ZFHX3: variants seen among roughly 807,000 people sequenced by gnomAD.
The protein encoded by ZFHX3 is zinc finger homeobox protein 3.
Under a neutral mutation model 279.1 loss-of-function variants are expected in ZFHX3, and 42 were observed. The observed-to-expected ratio is 0.15, with a 90% confidence interval of 0.12 to 0.19. The LOEUF (loss-of-function observed/expected upper bound fraction) is 0.19, where lower values mean the gene tolerates loss of function less well. Among genes scored for constraint, ZFHX3 ranks in the 10% least tolerant of loss-of-function variants. The probability of loss-of-function intolerance (pLI) is 1.00; values close to 1 mark genes in which losing one functional copy is unlikely to be tolerated. For synonymous variants in ZFHX3, 2,293 were observed against 1,957.8 expected, an observed-to-expected ratio of 1.17 and a Z score of -4.52; for missense variants, 4,981 against 4,754.0, an observed-to-expected ratio of 1.05 and a Z score of -1.40.
At chr16:73,797,067 G>A (rs1960015154) in intron 1 of ZFHX3, among the ~76,000 whole-genome samples, 2 of 152,112 alleles carry the variant, frequency 1.3e-5, no homozygotes, top group African/African-American at 4.8e-5. Flanking sequence ...GCCAGGCAGG[G>A]TGGCACATGC....
Position 72,796,553 on chromosome 16 carries a change from G to C in ZFHX3, c.6129C>G (p.Pro2043=). Residue 2043 remains proline (P), a synonymous_variant, in exon 9 of 10, where the codon CCC becomes CCG. Coordinates refer to ENST00000268489, the MANE Select transcript of ZFHX3 (RefSeq NM_006885.4). ...RPQTPEPPPP[P]PPPPPPPLPA... ...GAAGTGGGGGTGGAGGGGGTGGAGG[G>C]GGAGGTGGTGGTGGCTCTGGGGTCT... The C allele has an allele frequency of 6.2e-7, 1 of 1,610,738 alleles. No individual in the cohort carries two copies. Among genetic ancestry groups the C allele is most frequent in the Non-Finnish European group, 8.5e-7 (1 of 1,179,472 alleles).
chr16:73,148,808 G>A (rs1217461603), intron 5 of ZFHX3, among the ~76,000 whole-genome samples: 3 of 151,320 alleles, frequency 2.0e-5, no homozygotes, highest in Non-Finnish European at 4.4e-5. Context: ...TTAGTCAGGT[G>A]TGGTGCCATG....
At chr16:72,849,382 C>T (rs1188608148) in intron 4 of ZFHX3, among the ~76,000 whole-genome samples, 2 of 152,160 alleles carry the variant, frequency 1.3e-5, no homozygotes, top group Admixed American at 6.5e-5. Context: ...GGGGCCCAGC[C>T]GGCTCAGCCT....
chr16:73,634,433 A>AATAT (rs60477881), intron 2 of ZFHX3, among the ~76,000 whole-genome samples: 71 of 59,900 alleles, frequency 1.2e-3, no homozygotes, highest in South Asian at 1.0e-2. Flanking sequence ...TATTATGTAT[A>AATAT]ATATATATAT....
chr16:73,571,639 A>T (rs1203894959), intron 2 of ZFHX3, among the ~76,000 whole-genome samples: 3 of 147,294 alleles, frequency 2.0e-5, no homozygotes, highest in Non-Finnish European at 3.0e-5. Context: ...AATAGAATTA[A>T]TTTTTTTTAA....
chr16:73,806,932 C>T (rs751590819), intron 1 of ZFHX3, among the ~76,000 whole-genome samples: 8 of 152,120 alleles, frequency 5.3e-5, no homozygotes, highest in Admixed American at 2.6e-4. Context: ...CAAGGGAATG[C>T]GAGCGTTCCA....
intron 1 of ZFHX3, among the ~76,000 whole-genome samples, chr16:73,705,339 G>C (rs143682282): frequency 6.6e-6 from 1 of 152,094 alleles, no homozygotes; most frequent in Non-Finnish European, 1.5e-5. Context: ...CTCCCAATGC[G>C]GGGGTTCAAT....
chr16:73,283,067 T>C (rs2014497419), intron 4 of ZFHX3, among the ~76,000 whole-genome samples: 1 of 152,190 alleles, frequency 6.6e-6, no homozygotes, highest in Non-Finnish European at 1.5e-5. Context: ...CTGGTCAGTA[T>C]TTTGGGTTTG....
chr16:72,785,769 A>G lies in ZFHX3; in HGVS notation c.*1395T>C, dbSNP rs946185894. 11 of 152,180 alleles carry G rather than the reference A, an allele frequency of 7.2e-5. No individual in the cohort carries two copies. The highest frequency in any genetic ancestry group is 1.0e-4 in the Non-Finnish European group (7 of 68,040). The allele number at this position is 152,180 out of a possible 1,614,324, so 9.4% of individuals were successfully genotyped here. On this transcript the variant is annotated 3_prime_UTR_variant, in exon 10 of 10. Transcript: ENST00000268489. ...AAACAAATCCTTTAGTATAGAAAAA[A>G]AAAGAATATTTGAAGCTCCTACCAA...
At position 72,883,967 on chromosome 16, in the gene ZFHX3, A is replaced by G. The variant is rs2038560282; in HGVS notation, c.3448+5764T>C. ...TCAGAAATTCAGAGCTGGCCACAACATATTTTAGTGCTATCAGAAAAATTA... is the reference window on the plus strand; with the variant it reads ...TCAGAAATTCAGAGCTGGCCACAACGTATTTTAGTGCTATCAGAAAAATTA... On this transcript the variant is annotated intron_variant, in intron 4 of 9. Transcript: ENST00000268489. Among the ~76,000 whole-genome samples, 3 of 152,288 alleles carry G rather than the reference A, an allele frequency of 2.0e-5. No homozygotes were observed. In the South Asian group the frequency reaches 6.2e-4, roughly 32 times the overall value.
intron 3 of ZFHX3, among the ~76,000 whole-genome samples, chr16:73,356,289 G>A (rs1010253282): frequency 2.0e-5 from 3 of 152,134 alleles, no homozygotes; most frequent in Admixed American, 2.0e-4. Flanking sequence ...AAGACAGCTG[G>A]CATGCACTTT....
At chr16:73,862,822 T>G (rs557044447) in intron 1 of ZFHX3, among the ~76,000 whole-genome samples, 1 of 152,192 alleles carries the variant, frequency 6.6e-6, no homozygotes, top group Admixed American at 6.5e-5. Flanking sequence ...TAACAAAATC[T>G]CAACCCGTTA....
intron 4 of ZFHX3, among the ~76,000 whole-genome samples, chr16:73,275,756 T>C (rs1425234551): frequency 6.6e-6 from 1 of 152,236 alleles, no homozygotes; most frequent in Non-Finnish European, 1.5e-5. Flanking sequence ...AGGGAGCACA[T>C]GCTCTTGGAA....
At chr16:73,308,577 G>T (rs1246608581) in intron 4 of ZFHX3, among the ~76,000 whole-genome samples, 1 of 152,144 alleles carries the variant, frequency 6.6e-6, no homozygotes, top group Non-Finnish European at 1.5e-5. Flanking sequence ...AAAGTGGTGA[G>T]ATTACAGGTG....
chr16:73,771,931 TC>T (rs2054022708), intron 1 of ZFHX3, among the ~76,000 whole-genome samples: 1 of 152,188 alleles, frequency 6.6e-6, no homozygotes, highest in Non-Finnish European at 1.5e-5. Flanking sequence ...AGGCCTTTCT[TC>T]TGGGAGGATA....
chr16:73,670,056 AG>A, intron 2 of ZFHX3, among the ~76,000 whole-genome samples: 1 of 152,228 alleles, frequency 6.6e-6, no homozygotes, highest in Non-Finnish European at 1.5e-5. Context: ...TAAAATTACA[AG>A]GGCTATGAAA....
chr16:73,567,127 A>T (rs2020463105), intron 2 of ZFHX3, among the ~76,000 whole-genome samples: 1 of 152,122 alleles, frequency 6.6e-6, no homozygotes, highest in African/African-American at 2.4e-5. Flanking sequence ...GGGATTACCG[A>T]TGGGTCCCTC....
chr16:73,634,433 A>AATATATATATAT lies in ZFHX3; in HGVS notation c.-1547+45735_-1547+45746dup, dbSNP rs60477881. ...GGCAACTCAACCAGTTATTATGTAT[A>AATATATATATAT]ATATATATATATATATATATATATA... On this transcript the variant is annotated intron_variant, in intron 2 of 17. Transcript: ENST00000641206. 1.2e-3 allele frequency among the ~76,000 whole-genome samples: 70 copies of AATATATATATAT among 59,878 alleles called. 1 individual carries two copies. The highest frequency in any genetic ancestry group is 2.8e-3 in the African/African-American group (64 of 22,962). 39.3% of individuals were successfully genotyped at this position (59,878 alleles called of 152,430 possible). A position where few individuals can be genotyped will look rare whatever the true frequency, so the allele number is the denominator to read the frequency against.
chr16:73,790,332 A>C (rs1472403643), intron 1 of ZFHX3, among the ~76,000 whole-genome samples: 1 of 150,986 alleles, frequency 6.6e-6, no homozygotes, highest in African/African-American at 2.4e-5. Context: ...ACAGTTGTCT[A>C]TTAAAAACCA....
Sources: gnomAD v4.1 joint callset for allele counts (sites outside exome capture counted in the v4.1 genomes callset) on GRCh38, gnomAD v4.1.1 for gene constraint, MANE v1.5 for transcripts, NCBI Gene and HGNC (gene_info 2026-07-23, HGNC 2026-07-21) for gene names.